Variants in BRD1 observed in about 807,000 individuals in gnomAD.
The protein encoded by BRD1 is bromodomain-containing protein 1.
Under a neutral mutation model 107.7 loss-of-function variants are expected in BRD1, and 24 were observed. The ratio of observed to expected loss-of-function variants is 0.22; its 90% CI spans 0.16 to 0.31. The LOEUF (loss-of-function observed/expected upper bound fraction) is 0.31, where lower values mean the gene tolerates loss of function less well. BRD1 is among the 10% of genes least tolerant of loss of function. The pLI is 1.00. For missense variants in BRD1, 1,279 were observed against 1,638.6 expected, an observed-to-expected ratio of 0.78 and a Z score of 3.79; for synonymous variants, 744 against 686.1, an observed-to-expected ratio of 1.08 and a Z score of -1.32.
chr22:49,803,392 G>A lies in BRD1; in HGVS notation c.1524+812C>T, dbSNP rs188070182. On this transcript the variant is annotated intron_variant, in intron 3 of 12. Transcript: ENST00000404760. The surrounding 1 kb of genome is among the most constrained non-coding windows in gnomAD (Gnocchi z 4.4). ...AAATTCCAAGAGGCACTCAGGCCAC[G>A]CGACGCCAGCAGCAGACAGCTCTTC... 5.1e-4 allele frequency among the ~76,000 whole-genome samples: 77 copies of A among 152,326 alleles called. No individual in the cohort carries two copies. Among genetic ancestry groups the A allele is most frequent in the Admixed American group, 2.4e-3 (36 of 15,306 alleles).
At chr22:49,797,686 T>A in intron 6 of BRD1, 119 bp downstream of exon 6, 3 of 978,260 alleles carry the variant, frequency 3.1e-6, no homozygotes, top group Non-Finnish European at 2.9e-6. Flanking sequence ...AAATGATGTA[T>A]GCGGTTGCAT....
intron 2 of BRD1, among the ~76,000 whole-genome samples, chr22:49,821,570 A>G (rs1158844033): frequency 6.6e-6 from 1 of 152,000 alleles, no homozygotes; most frequent in Non-Finnish European, 1.5e-5. Context: ...TCACTTTGGT[A>G]AAGTAGAGTA....
chr22:49,799,043 C>T lies in BRD1; in HGVS notation c.1601G>A (p.Arg534His), dbSNP rs367857228. Residue 534 changes from arginine to histidine, a missense_variant, in exon 4 of 13, where the codon CGC becomes CAC. Around this residue, in one of 7 missense-constraint regions of BRD1, gnomAD observed 406 missense variants for 519.4 expected, o/e 0.78. Coordinates refer to ENST00000404760, the MANE Select transcript of BRD1 (RefSeq NM_001304808.3). ...CAGCAGCTCGATCAGCAGGCGAGCG[C>T]GCTCCAGGTCGTGCCGCAGCCGCTG... ...YWQRLRHDLE[R>H]ARLLIELLRK... The T allele has an allele frequency of 8.7e-6, 14 of 1,611,214 alleles. No individual in the cohort carries two copies. Among genetic ancestry groups the T allele is most frequent in the East Asian group, 6.7e-5 (3 of 44,896 alleles).
rs191648862 is a variant in BRD1, at chr22:49,803,679, T to A, written c.1524+525A>T. Among the ~76,000 whole-genome samples, 2,140 of 152,112 alleles carry A rather than the reference T, an allele frequency of 0.014. 49 individuals are homozygous for A. The highest frequency in any genetic ancestry group is 0.05 in the African/African-American group (2,058 of 41,478). On this transcript the variant is annotated intron_variant, in intron 3 of 12. Coordinates refer to ENST00000404760, the MANE Select transcript of BRD1 (RefSeq NM_001304808.3). This position sits in a 1 kb window ranked among gnomAD's most constrained non-coding sequence, Gnocchi z 4.4. ...GCTCCTTCCCTCCCACTCTCTCAGCTCTCTCGAGCCCTCCCCACCCCACCA... is the reference window on the plus strand; with the variant it reads ...GCTCCTTCCCTCCCACTCTCTCAGCACTCTCGAGCCCTCCCCACCCCACCA...
chr22:49,786,366 A>G (rs989886295), intron 8 of BRD1, among the ~76,000 whole-genome samples: 4 of 152,270 alleles, frequency 2.6e-5, no homozygotes, highest in African/African-American at 7.2e-5. Context: ...AGGGGCGGGG[A>G]GCAGAGGCTG....
chr22:49,813,650 G>A lies in BRD1; in HGVS notation c.1368-9290C>T, dbSNP rs896845807. 1.8e-4 allele frequency among the ~76,000 whole-genome samples: 27 copies of A among 151,684 alleles called. No individual in the cohort carries two copies. In the East Asian group the frequency reaches 3.9e-3, roughly 22 times the overall value. The stretch of plus-strand genomic sequence containing the variant: ...AGTTCGAGACCAGCCTGGCCAACAC[G>A]GCGAAACCCCATCTCTACTAAAAAT... On this transcript the variant is annotated intron_variant, in intron 2 of 12. Coordinates refer to ENST00000404760, the MANE Select transcript of BRD1 (RefSeq NM_001304808.3).
chr22:49,823,595 C>A lies in BRD1; in HGVS notation c.723G>T (p.Val241=). The change falls in exon 2 of 13, where the codon GTG becomes GTT. Residue 241 remains valine, a synonymous_variant. Coordinates refer to ENST00000404760, the MANE Select transcript of BRD1 (RefSeq NM_001304808.3). ...ILFCDMCNLA[V]HQECYGVPYI... ...AGGGCACCCCGTAGCACTCCTGGTG[C>A]ACGGCCAGGTTGCACATGTCGCAGA... is the stretch of plus-strand genomic sequence containing the variant. 2 of 1,607,616 alleles carry A rather than the reference C, an allele frequency of 1.2e-6. No homozygotes were observed. Among genetic ancestry groups the A allele is most frequent in the African/African-American group, 1.3e-5 (1 of 74,992 alleles).
At chr22:49,799,248 C>A in intron 3 of BRD1, 129 bp from the exon 4 acceptor site, 1 of 1,197,512 alleles carries the variant, frequency 8.4e-7, no homozygotes, top group African/African-American at 1.5e-5. Context: ...CTGGGGAGGA[C>A]AACAGACCAC....
In BRD1 at chr22:49,827,837, G is replaced by A. The variant is rs1472511880; in HGVS notation, c.-355C>T. Among the ~76,000 whole-genome samples, 1 of 146,128 alleles carries A rather than the reference G, an allele frequency of 6.8e-6. No homozygotes were observed. Among genetic ancestry groups the A allele is most frequent in the South Asian group, 2.1e-4 (1 of 4,802 alleles). ...CGGGGCTGGCTCGGACTCCAGGGCC[G>A]GGTCGCTCGCTCGCTCCCCAGCGAA... On this transcript the variant is annotated 5_prime_UTR_variant, in exon 1 of 13. Transcript: ENST00000404760.
At position 49,792,780 on chromosome 22, in the gene BRD1, T is replaced by C. The variant is rs1157193023; in HGVS notation, c.2359+1254A>G. On this transcript the variant is annotated intron_variant, in intron 7 of 12. Transcript: ENST00000404760. This position sits in a 1 kb window ranked among gnomAD's most constrained non-coding sequence, Gnocchi z 4.2. ...TCAGCTGTGTGCACAGGAGTAAGTT[T>C]CTAAGAGAAAGAAAAGCTTAATGGC... is the stretch of plus-strand genomic sequence containing the variant. Among the ~76,000 whole-genome samples, 1 of 152,078 alleles carries C rather than the reference T, an allele frequency of 6.6e-6. No individual in the cohort carries two copies. The highest frequency in any genetic ancestry group is 1.5e-5 in the Non-Finnish European group (1 of 68,022).
At chr22:49,780,506 G>C (rs1217404856) in intron 8 of BRD1, among the ~76,000 whole-genome samples, 1 of 152,084 alleles carries the variant, frequency 6.6e-6, no homozygotes, top group Non-Finnish European at 1.5e-5. Context: ...CTTGCTAACA[G>C]GCGGTCTGGG....
At chr22:49,776,640 A>G (rs1458567160) in intron 10 of BRD1, among the ~76,000 whole-genome samples, 1 of 151,694 alleles carries the variant, frequency 6.6e-6, no homozygotes, top group East Asian at 1.9e-4. Flanking sequence ...GGGCTGTGCG[A>G]CCCCAAACCC....
chr22:49,813,917 G>C (rs2059902542), intron 2 of BRD1, among the ~76,000 whole-genome samples: 1 of 152,066 alleles, frequency 6.6e-6, no homozygotes, highest in African/African-American at 2.4e-5. Context: ...TCTTCAAGCA[G>C]ACCCAGCATG....
chr22:49,787,296 G>GAC, intron 8 of BRD1, 94 bp downstream of exon 8: 1 of 1,207,988 alleles, frequency 8.3e-7, no homozygotes, highest in Non-Finnish European at 1.1e-6. Context: ...ACAGAAGCTG[G>GAC]ACACCCCCCC....
intron 3 of BRD1, 78 bp downstream of exon 3, chr22:49,804,126 A>C: frequency 9.6e-6 from 13 of 1,349,980 alleles, no homozygotes; most frequent in Non-Finnish European, 1.3e-5. Flanking sequence ...CACCGTGACC[A>C]GCCTGAACCA....
chr22:49,826,378 G>A (rs1004539498), intron 1 of BRD1: 5 of 451,284 alleles, frequency 1.1e-5, no homozygotes, highest in African/African-American at 2.1e-5. Context: ...AGGGCAGGGC[G>A]ACCCACGACC....
chr22:49,779,904 C>G (rs1004939142), intron 8 of BRD1, among the ~76,000 whole-genome samples: 1 of 152,144 alleles, frequency 6.6e-6, no homozygotes, highest in African/African-American at 2.4e-5. Context: ...GGTCTGCCAA[C>G]GCGTGTGACC....
At chr22:49,809,541 C>CAAAAA (rs138862) in intron 2 of BRD1, among the ~76,000 whole-genome samples, 2 of 146,112 alleles carry the variant, frequency 1.4e-5, no homozygotes, top group Non-Finnish European at 3.0e-5. Context: ...ACTTCGTCTC[C>CAAAAA]AAAAAAAATA....
intron 8 of BRD1, among the ~76,000 whole-genome samples, chr22:49,780,795 G>A (rs1442730243): frequency 6.6e-6 from 1 of 152,220 alleles, no homozygotes; most frequent in Non-Finnish European, 1.5e-5. Flanking sequence ...CCGCACCTCA[G>A]CACCCCTGCA....
Sources: allele counts gnomAD v4.1 joint callset (sites outside exome capture counted in the v4.1 genomes callset), GRCh38; gene constraint gnomAD v4.1.1; regional missense constraint gnomAD v4.1.1; non-coding constraint Gnocchi (gnomAD v3.1); transcripts MANE v1.5; gene names NCBI Gene and HGNC (gene_info 2026-07-23, HGNC 2026-07-21).